ZNF609: variants seen among roughly 807,000 people sequenced by gnomAD.
The protein encoded by ZNF609 is zinc finger protein 609.
A neutral mutation model predicts 109.5 loss-of-function variants in ZNF609; 11 were observed. The observed-to-expected ratio is 0.10, with a 90% CI of 0.06 to 0.17. ZNF609 has a LOEUF of 0.17. Among genes scored for constraint, ZNF609 ranks in the 10% least tolerant of loss-of-function variants. The probability of loss-of-function intolerance (pLI) is 1.00; values close to 1 mark genes in which losing one functional copy is unlikely to be tolerated. For missense variants in ZNF609, 1,559 were observed against 1,772.4 expected (o/e 0.88, Z 2.16); for synonymous variants, 646 against 662.0 (o/e 0.98, Z 0.37).
intron 2 of ZNF609, among the ~76,000 whole-genome samples, chr15:64,575,962 C>T (rs1296506545): frequency 3.3e-5 from 5 of 152,000 alleles, no homozygotes; most frequent in South Asian, 2.1e-4. Flanking sequence ...ATTAGTCAGG[C>T]GCGGTGGCGG....
At chr15:64,460,517 A>T (rs912571537), upstream of ZNF609, among the ~76,000 whole-genome samples, 1 of 151,932 alleles carries the variant, frequency 6.6e-6, no homozygotes, top group Non-Finnish European at 1.5e-5. Context: ...GACTCCACAC[A>T]AGCGCGGAAT....
intron 2 of ZNF609, among the ~76,000 whole-genome samples, chr15:64,521,178 A>G (rs1240845552): frequency 6.6e-6 from 1 of 152,208 alleles, no homozygotes; most frequent in African/African-American, 2.4e-5. Context: ...AGAGGAGTCC[A>G]AGATAAGATC....
At chr15:64,657,872 T>C (rs961592779) in intron 3 of ZNF609, among the ~76,000 whole-genome samples, 1 of 150,686 alleles carries the variant, frequency 6.6e-6, no homozygotes, top group Non-Finnish European at 1.5e-5. Flanking sequence ...ATTTACTTCT[T>C]TTTTTTTTAG....
intron 2 of ZNF609, among the ~76,000 whole-genome samples, chr15:64,578,491 G>A (rs558602252): frequency 6.6e-5 from 10 of 152,110 alleles, no homozygotes; most frequent in African/African-American, 2.4e-4. Context: ...CCAGGAGTTC[G>A]AGATCAGCCT....
intron 2 of ZNF609, among the ~76,000 whole-genome samples, chr15:64,513,654 G>C (rs1397512705): frequency 6.6e-6 from 1 of 152,140 alleles, no homozygotes; most frequent in African/African-American, 2.4e-5. Flanking sequence ...TATTTCTTCA[G>C]CTGAGGTCCC....
At chr15:64,536,039 G>GT (rs1360033767) in intron 2 of ZNF609, among the ~76,000 whole-genome samples, 1 of 151,610 alleles carries the variant, frequency 6.6e-6, no homozygotes, top group Admixed American at 6.6e-5. Context: ...ACTGAGTGAT[G>GT]TTTTTTAAAT....
intron 2 of ZNF609, among the ~76,000 whole-genome samples, chr15:64,618,844 GTC>G (rs905986990): frequency 6.6e-6 from 1 of 152,198 alleles, no homozygotes; most frequent in African/African-American, 2.4e-5. Context: ...CCGCTTGTGT[GTC>G]TGCCTGCTAG....
rs1473456969 is a variant in ZNF609, at chr15:64,506,280, G to A, written c.747+6114G>A. On this transcript the variant is annotated intron_variant, in intron 2 of 9. Coordinates refer to ENST00000326648, the MANE Select transcript of ZNF609 (RefSeq NM_015042.2). ...TGGGATTACAGGCATGCACCACCAT[G>A]CCTGGCTAATTTTTGTATTTTTAGT... 4.6e-5 allele frequency among the ~76,000 whole-genome samples: 7 copies of A among 151,222 alleles called. No individual in the cohort carries two copies. The East Asian group carries it at 8.1e-4, about 18-fold the overall frequency.
At chr15:64,610,782 T>C (rs1409838939) in intron 2 of ZNF609, among the ~76,000 whole-genome samples, 5 of 152,176 alleles carry the variant, frequency 3.3e-5, no homozygotes, top group African/African-American at 1.2e-4. Flanking sequence ...TGTCTCAATT[T>C]AGAATTCTCA....
At chr15:64,629,914 T>C (rs1444847940) in intron 3 of ZNF609, among the ~76,000 whole-genome samples, 1 of 152,154 alleles carries the variant, frequency 6.6e-6, no homozygotes, top group Non-Finnish European at 1.5e-5. Flanking sequence ...TACCGAGAAC[T>C]TTATCTCCAC....
intron 2 of ZNF609, among the ~76,000 whole-genome samples, chr15:64,607,471 T>C (rs542366822): frequency 6.6e-6 from 1 of 152,136 alleles, no homozygotes; most frequent in Admixed American, 6.5e-5. Context: ...TAACAGGTTT[T>C]TTAATGTTAT....
chr15:64,490,021 T>G (rs1893389696), intron 1 of ZNF609, among the ~76,000 whole-genome samples: 1 of 152,102 alleles, frequency 6.6e-6, no homozygotes, highest in Non-Finnish European at 1.5e-5. Flanking sequence ...TGCAGTGGCA[T>G]GATCACAGCT....
At chr15:64,638,034 C>CATAT (rs35928856) in intron 3 of ZNF609, among the ~76,000 whole-genome samples, 2,261 of 133,886 alleles carry the variant, frequency 0.017, 37 homozygotes, top group African/African-American at 0.045. Flanking sequence ...TATAAAAATA[C>CATAT]ATATATATAT....
chr15:64,515,873 G>A (rs573833486), intron 2 of ZNF609, among the ~76,000 whole-genome samples: 1 of 152,052 alleles, frequency 6.6e-6, no homozygotes, highest in African/African-American at 2.4e-5. Flanking sequence ...GGGAGGCGGG[G>A]GTTGCAGTGA....
intron 3 of ZNF609, among the ~76,000 whole-genome samples, chr15:64,641,215 C>CTTTTTTTTTTTTT (rs1437729494): frequency 1.1e-4 from 2 of 18,124 alleles, no homozygotes; most frequent in African/African-American, 3.1e-4. Flanking sequence ...TACACTTGTG[C>CTTTTTTTTTTTTT]TTTCTTTTTT....
intron 2 of ZNF609, among the ~76,000 whole-genome samples, chr15:64,621,324 T>C (rs1895872490): frequency 6.6e-6 from 1 of 152,084 alleles, no homozygotes; most frequent in Non-Finnish European, 1.5e-5. Flanking sequence ...TTTAAAGAGT[T>C]AAAGGATCAC....
chr15:64,612,341 G>T (rs983882901), intron 2 of ZNF609, among the ~76,000 whole-genome samples: 2 of 151,284 alleles, frequency 1.3e-5, no homozygotes, highest in African/African-American at 4.9e-5. Flanking sequence ...AGTGGAGATG[G>T]GGTTTCACTG....
intron 2 of ZNF609, among the ~76,000 whole-genome samples, chr15:64,617,251 G>A (rs1004432260): frequency 2.0e-5 from 3 of 151,410 alleles, no homozygotes; most frequent in Admixed American, 1.3e-4. Context: ...CAAACTCCTG[G>A]ACTCAAACAG....
At chr15:64,460,432 T>G (rs1461430825), upstream of ZNF609, among the ~76,000 whole-genome samples, 3 of 152,052 alleles carry the variant, frequency 2.0e-5, no homozygotes, top group African/African-American at 4.8e-5. Context: ...GGGCTCCGGG[T>G]GAGCGCGCAT....
Sources: gnomAD v4.1 joint callset for allele counts (sites outside exome capture counted in the v4.1 genomes callset) on GRCh38, gnomAD v4.1.1 for gene constraint, MANE v1.5 for transcripts, NCBI Gene and HGNC (gene_info 2026-07-23, HGNC 2026-07-21) for gene names.